The following LAMB1 variants were observed in gnomAD, a reference collection of about 807,000 sequenced individuals.
The protein encoded by LAMB1 is laminin subunit beta 1.
In LAMB1, 121 loss-of-function variants were observed where a neutral mutation model predicts 222.3. The observed-to-expected ratio is 0.54, with a 90% confidence interval of 0.47 to 0.63. The LOEUF is 0.63. LAMB1 is among the 30% of genes least tolerant of loss of function. The pLI is 0.00. For missense variants in LAMB1, 2,172 were observed against 2,240.8 expected (o/e 0.97, Z 0.62); for synonymous variants, 794 against 807.2 (o/e 0.98, Z 0.28).
chr7:107,953,475 T>TG, intron 22 of LAMB1, 55 bp downstream of exon 22: 1 of 1,262,256 alleles, frequency 7.9e-7, no homozygotes, highest in Non-Finnish European at 1.2e-6. Context: ...CTGCTGATAA[T>TG]GAAAAAAAGG....
At chr7:107,952,983 T>G (rs2033291658) in intron 22 of LAMB1, among the ~76,000 whole-genome samples, 3 of 152,044 alleles carry the variant, frequency 2.0e-5, no homozygotes, top group Non-Finnish European at 1.5e-5. Context: ...GCTACATGGT[T>G]TTTCTTTCCT....
chr7:107,981,886 G>A (rs1304170227), intron 7 of LAMB1, among the ~76,000 whole-genome samples: 1 of 152,198 alleles, frequency 6.6e-6, no homozygotes, highest in African/African-American at 2.4e-5. Context: ...TAACGCTATA[G>A]AATAACTACA....
intron 21 of LAMB1, 102 bp from the exon 22 acceptor site, chr7:107,953,856 T>G (rs1485979440): frequency 6.2e-6 from 6 of 967,036 alleles, no homozygotes; most frequent in Non-Finnish European, 9.8e-6. Context: ...GTGGCGGTGC[T>G]TCATCTTCAC....
chr7:107,969,599 T>C (rs1419460619), intron 13 of LAMB1, among the ~76,000 whole-genome samples: 2 of 152,210 alleles, frequency 1.3e-5, no homozygotes, highest in South Asian at 2.1e-4. Flanking sequence ...GACTGGGATA[T>C]GTTCTGAGAA....
intron 24 of LAMB1, among the ~76,000 whole-genome samples, chr7:107,944,019 C>G (rs2033056652): frequency 6.6e-6 from 1 of 152,312 alleles, no homozygotes. Flanking sequence ...GGTGAGGCAG[C>G]CCTCTGGGGC....
intron 25 of LAMB1, among the ~76,000 whole-genome samples, chr7:107,939,267 G>C (rs1280564651): frequency 6.6e-6 from 1 of 152,116 alleles, no homozygotes; most frequent in Non-Finnish European, 1.5e-5. Context: ...AGAAAGGGTA[G>C]ATAAATGATC....
intron 13 of LAMB1, among the ~76,000 whole-genome samples, chr7:107,967,495 A>G (rs1255485977): frequency 6.6e-6 from 1 of 152,174 alleles, no homozygotes; most frequent in Non-Finnish European, 1.5e-5. Flanking sequence ...TCAAGCCATG[A>G]TGCCTCTGCC....
chr7:107,956,417 T>C (rs2033377420), intron 20 of LAMB1, among the ~76,000 whole-genome samples: 1 of 152,196 alleles, frequency 6.6e-6, no homozygotes, highest in African/African-American at 2.4e-5. Context: ...CCCGATAATA[T>C]TGATGCTGCT....
rs1199682753 is a variant in LAMB1 at position 107,957,250 on chromosome 7, G to A, written c.2691-1620C>T. On this transcript the variant is annotated intron_variant, in intron 20 of 33. Transcript: ENST00000222399. ...CTTAAAAATACAAAAGATTAGCCAG[G>A]CATGGTGGCCTGTGCCTGTAATCCC... 3.3e-5 allele frequency among the ~76,000 whole-genome samples: 5 copies of A among 152,154 alleles called. No individual in the cohort carries two copies. In the East Asian group the frequency reaches 9.6e-4, roughly 29 times the overall value.
At position 107,962,941 on chromosome 7, in the gene LAMB1, G is replaced by A. The variant is rs529951359; in HGVS notation, c.1821C>T (p.Ser607=). 3.2e-5 allele frequency: 52 copies of A among 1,613,942 alleles called. 1 individual carries two copies. The South Asian group carries it at 5.2e-4, about 16-fold the overall frequency. The stretch of plus-strand genomic sequence containing the variant: ...AGCGAATTAGGATGTCGTACTCCAT[G>A]GAATATGGTATGTTGTCAATGAAAA... ...LEFFIDNIPY[S]MEYDILIRYE... The change falls in exon 15 of 34, where the codon TCC becomes TCT. Residue 607 remains serine (S), a synonymous_variant. Coordinates refer to ENST00000222399, the MANE Select transcript of LAMB1 (RefSeq NM_002291.3).
rs375165796 is a variant in LAMB1 at position 107,985,424 on chromosome 7, G to A, written c.676+598C>T. On this transcript the variant is annotated intron_variant, in intron 7 of 33. Coordinates refer to ENST00000222399, the MANE Select transcript of LAMB1 (RefSeq NM_002291.3). ...GGATCACCTGAGGTCAGGAGTTCGA[G>A]ACCCAGCCTGGCCAACATGGTGAAA... 6.6e-5 allele frequency among the ~76,000 whole-genome samples: 10 copies of A among 152,066 alleles called. No individual in the cohort carries two copies. The East Asian group carries it at 1.7e-3, about 27-fold the overall frequency.
At chr7:107,987,547 C>T (rs1478721172) in intron 5 of LAMB1, among the ~76,000 whole-genome samples, 1 of 152,176 alleles carries the variant, frequency 6.6e-6, no homozygotes, top group African/African-American at 2.4e-5. Flanking sequence ...GTGGCCCAGG[C>T]TGGAGTGCAG....
intron 31 of LAMB1, among the ~76,000 whole-genome samples, chr7:107,928,389 T>C (rs890306316): frequency 2.6e-5 from 4 of 152,232 alleles, no homozygotes; most frequent in South Asian, 2.1e-4. Flanking sequence ...TCTTGAGACA[T>C]TGGCCTTCTT....
Position 107,935,529 on chromosome 7 carries a change from G to A in LAMB1, c.4074C>T (p.Asp1358=), listed in dbSNP as rs146681738. 1.8e-5 allele frequency: 29 copies of A among 1,613,600 alleles called. No homozygotes were observed. The highest frequency in any genetic ancestry group is 1.6e-4 in the Middle Eastern group (1 of 6,084). ...QSALMRDRVE[D]VMMERESQFK... ...ACTGGGATTCTCGCTCCATCATCAC[G>A]TCTTCTACTCTGTCTCTCATGAGGG... The change falls in exon 27 of 34, where the codon GAC becomes GAT. Residue 1358 remains aspartate, a synonymous_variant. Coordinates refer to ENST00000222399, the MANE Select transcript of LAMB1 (RefSeq NM_002291.3).
chr7:107,926,267 C>A lies in LAMB1; in HGVS notation c.4980G>T (p.Arg1660=), dbSNP rs2032562354. Residue 1660 remains arginine, a synonymous_variant, in exon 32 of 34, where the codon CGG becomes CGT. Transcript: ENST00000222399. ...ELERNVEELK[R]KAAQNSGEAE... ...CCTCCCCGGAGTTTTGGGCAGCTTTCCGCTTAAGTTCTTCCACATTCCTCT... is the reference window on the plus strand; with the variant it reads ...CCTCCCCGGAGTTTTGGGCAGCTTTACGCTTAAGTTCTTCCACATTCCTCT... 2 of 1,613,904 alleles carry A rather than the reference C, an allele frequency of 1.2e-6. No individual in the cohort carries two copies. The highest frequency in any genetic ancestry group is 4.5e-5 in the East Asian group (2 of 44,892).
intron 4 of LAMB1, among the ~76,000 whole-genome samples, chr7:107,996,220 T>C (rs2034278245): frequency 6.6e-6 from 1 of 152,206 alleles, no homozygotes; most frequent in African/African-American, 2.4e-5. Flanking sequence ...TTCTGTAACC[T>C]AAGAACATAT....
chr7:107,931,476 C>A lies in LAMB1; in HGVS notation c.4417G>T (p.Asp1473Tyr). The A allele has an allele frequency of 6.2e-7, 1 of 1,613,674 alleles. No homozygotes were observed. The highest frequency in any genetic ancestry group is 8.5e-7 in the Non-Finnish European group (1 of 1,179,882). ...TCTTCAGCACTTTGTTTTGCCTCATCTGCCCTCAGTTTTGCTTCAGAGACC... is the reference window on the plus strand; with the variant it reads ...TCTTCAGCACTTTGTTTTGCCTCATATGCCCTCAGTTTTGCTTCAGAGACC... ...KMVSEAKLRA[D>Y]EAKQSAEDIL... Residue 1473 changes from aspartate to tyrosine, a missense_variant, in exon 29 of 34, where the codon GAT (aspartate) becomes TAT (tyrosine). Transcript: ENST00000222399.
intron 27 of LAMB1, 60 bp downstream of exon 27, chr7:107,935,343 CTTTGTTTTTTTT>C (rs2032816880): frequency 3.6e-6 from 5 of 1,371,968 alleles, no homozygotes; most frequent in African/African-American, 4.8e-5. Flanking sequence ...GTTTGTTTTT[CTTTGTTTTTTTT>C]TTTTTTTTTT....
intron 31 of LAMB1, among the ~76,000 whole-genome samples, chr7:107,926,992 C>G (rs566094868): frequency 6.6e-6 from 1 of 152,258 alleles, no homozygotes; most frequent in East Asian, 1.9e-4. Flanking sequence ...AATCAATAAA[C>G]ATTGACTTTT....
Sources: allele counts gnomAD v4.1 joint callset (sites outside exome capture counted in the v4.1 genomes callset), GRCh38; gene constraint gnomAD v4.1.1; transcripts MANE v1.5; gene names NCBI Gene and HGNC (gene_info 2026-07-23, HGNC 2026-07-21).